The following CSMD3 variants were observed in gnomAD, a reference collection of about 807,000 sequenced individuals.
CSMD3 encodes CUB and Sushi multiple domains 3, also known as CUB and sushi domain-containing protein 3.
Under a neutral mutation model 435.2 loss-of-function variants are expected in CSMD3, and 177 were observed. That is an observed-to-expected ratio of 0.41 (90% CI 0.36 to 0.46). The LOEUF is 0.46. CSMD3 is among the 20% of genes least tolerant of loss of function. The pLI, the probability that CSMD3 is intolerant of heterozygous loss-of-function variation, is 0.34. For synonymous variants in CSMD3, 1,656 were observed against 1,520.5 expected (o/e 1.09, Z -2.07); for missense variants, 4,265 against 4,504.6 (o/e 0.95, Z 1.52).
At chr8:112,757,624 T>C (rs994091572) in intron 13 of CSMD3, among the ~76,000 whole-genome samples, 2 of 152,070 alleles carry the variant, frequency 1.3e-5, no homozygotes, top group African/African-American at 4.8e-5. Context: ...TTGATGGATC[T>C]AAGAAGAGCA....
At chr8:113,128,380 T>A (rs1180071150) in intron 4 of CSMD3, among the ~76,000 whole-genome samples, 2 of 151,976 alleles carry the variant, frequency 1.3e-5, no homozygotes, top group Non-Finnish European at 2.9e-5. Context: ...TTTTTTTTTA[T>A]TTTTCTATGA....
rs531053763 is a variant in CSMD3 at position 112,996,570 on chromosome 8, T to A, written c.1031-20422A>T. Among the ~76,000 whole-genome samples the A allele has an allele frequency of 5.3e-5, 8 of 151,706 alleles. No homozygotes were observed. In the East Asian group the frequency reaches 1.6e-3, roughly 29 times the overall value. On this transcript the variant is annotated intron_variant, in intron 6 of 70. Transcript: ENST00000297405. ...CAATTTAAAGTGCACTCACTGAGAA[T>A]AGTTAATTAATTAAGTAGTTTCTTT...
At chr8:112,286,975 A>T (rs1819268988) in intron 58 of CSMD3, 89 bp downstream of exon 58, 1 of 1,018,774 alleles carries the variant, frequency 9.8e-7, no homozygotes, top group South Asian at 1.3e-5. Flanking sequence ...TAAACTAGTA[A>T]GAGTAATTTT....
At chr8:113,161,998 T>C (rs573892497) in intron 4 of CSMD3, among the ~76,000 whole-genome samples, 1 of 152,004 alleles carries the variant, frequency 6.6e-6, no homozygotes, top group African/African-American at 2.4e-5. Context: ...TTTTCACCCA[T>C]TGAAACATCT....
At chr8:112,387,009 G>A (rs1830033985) in intron 36 of CSMD3, among the ~76,000 whole-genome samples, 1 of 152,084 alleles carries the variant, frequency 6.6e-6, no homozygotes, top group African/African-American at 2.4e-5. Context: ...ATACAATAAT[G>A]TAGCCAACAT....
At chr8:113,067,472 T>C (rs1261745276) in intron 5 of CSMD3, among the ~76,000 whole-genome samples, 1 of 152,152 alleles carries the variant, frequency 6.6e-6, no homozygotes, top group Non-Finnish European at 1.5e-5. Context: ...TTTGTGAAGT[T>C]CTAAAATTTA....
intron 4 of CSMD3, among the ~76,000 whole-genome samples, chr8:113,140,342 G>C (rs972850122): frequency 4.7e-5 from 7 of 150,446 alleles, no homozygotes; most frequent in Non-Finnish European, 8.9e-5. Context: ...CTCAACAACT[G>C]ATAGAGCAAC....
chr8:112,745,015 C>T (rs1003538003), intron 13 of CSMD3, among the ~76,000 whole-genome samples: 28 of 152,130 alleles, frequency 1.8e-4, no homozygotes, highest in South Asian at 1.5e-3. Context: ...AGGGGACAAA[C>T]GGGGGTGTGC....
chr8:112,594,816 A>G (rs1227738159), intron 22 of CSMD3, among the ~76,000 whole-genome samples: 1 of 152,128 alleles, frequency 6.6e-6, no homozygotes, highest in Admixed American at 6.5e-5. Flanking sequence ...TGTCTGTTAG[A>G]AAGAAAACTA....
At chr8:113,398,009 A>C (rs962543829) in intron 1 of CSMD3, among the ~76,000 whole-genome samples, 1 of 152,078 alleles carries the variant, frequency 6.6e-6, no homozygotes, top group African/African-American at 2.4e-5. Context: ...AACTTTCACA[A>C]ATAAAGTTGT....
At chr8:113,063,657 A>G (rs1211692392) in intron 5 of CSMD3, among the ~76,000 whole-genome samples, 2 of 151,892 alleles carry the variant, frequency 1.3e-5, no homozygotes, top group Non-Finnish European at 2.9e-5. Context: ...CTACTGATCC[A>G]TGTTACTGCA....
At chr8:112,617,822 T>A (rs960790417) in intron 22 of CSMD3, among the ~76,000 whole-genome samples, 3 of 152,180 alleles carry the variant, frequency 2.0e-5, no homozygotes, top group African/African-American at 7.2e-5. Flanking sequence ...TTATCCAAGA[T>A]ACTTCTCAAT....
At position 112,972,223 on chromosome 8, in the gene CSMD3, A is replaced by T. The variant is rs112897210; in HGVS notation, c.1342+3614T>A. 6.0e-3 allele frequency among the ~76,000 whole-genome samples: 915 copies of T among 152,064 alleles called. 12 individuals carry two copies. The highest frequency in any genetic ancestry group is 0.02 in the African/African-American group (821 of 41,532). On this transcript the variant is annotated intron_variant, in intron 7 of 70. Transcript: ENST00000297405. ...AATGATCAAAAGACATAAAACTGAA[A>T]GTTTAACTGGAATGTGAATAAAAAA...
In CSMD3 at chr8:112,767,047, A is replaced by T. The variant is rs375031067; in HGVS notation, c.1972+33115T>A. On this transcript the variant is annotated intron_variant, in intron 13 of 70. Coordinates refer to ENST00000297405, the MANE Select transcript of CSMD3 (RefSeq NM_198123.2). ...TGTAGAAATGTACTATAAATGGTAG[A>T]GTAATCACTGATAATTGTTTTCTAT... Among the ~76,000 whole-genome samples the T allele has an allele frequency of 2.5e-4, 38 of 152,012 alleles. No individual in the cohort carries two copies. In the East Asian group the frequency reaches 4.8e-3, roughly 19 times the overall value.
chr8:112,445,447 G>T (rs1022539492), intron 32 of CSMD3, among the ~76,000 whole-genome samples: 2 of 152,096 alleles, frequency 1.3e-5, no homozygotes, highest in Non-Finnish European at 2.9e-5. Flanking sequence ...TTCCAATCAT[G>T]ACGGAGGGCA....
chr8:112,435,033 C>G (rs2130439731), intron 32 of CSMD3, among the ~76,000 whole-genome samples: 1 of 152,102 alleles, frequency 6.6e-6, no homozygotes, highest in East Asian at 1.9e-4. Flanking sequence ...TATTCTTAAG[C>G]ATGGTAGAGC....
chr8:112,906,388 A>T (rs1233430858), intron 10 of CSMD3, among the ~76,000 whole-genome samples: 1 of 151,064 alleles, frequency 6.6e-6, no homozygotes, highest in Non-Finnish European at 1.5e-5. Flanking sequence ...ATAACTTTTC[A>T]TGTTTTCATG....
chr8:112,537,330 A>C (rs1826211937), intron 27 of CSMD3, among the ~76,000 whole-genome samples: 1 of 152,018 alleles, frequency 6.6e-6, no homozygotes. Flanking sequence ...ATGCTCCTCA[A>C]AGAACTAGAA....
chr8:112,904,599 C>A (rs1013598461), intron 10 of CSMD3, among the ~76,000 whole-genome samples: 5 of 151,152 alleles, frequency 3.3e-5, no homozygotes, highest in Admixed American at 2.6e-4. Context: ...ATAATAAGAG[C>A]AATTGGATTA....
Sources: gnomAD v4.1 joint callset for allele counts (sites outside exome capture counted in the v4.1 genomes callset) on GRCh38, gnomAD v4.1.1 for gene constraint, MANE v1.5 for transcripts, NCBI Gene and HGNC (gene_info 2026-07-23, HGNC 2026-07-21) for gene names.